MYO5B: variants seen among roughly 807,000 people sequenced by gnomAD.
MYO5B encodes the protein myosin VB, also known as unconventional myosin-Vb.
In MYO5B, 143 loss-of-function variants were observed where a neutral mutation model predicts 229.3. That is an observed-to-expected ratio of 0.62 (90% CI 0.54 to 0.72). The LOEUF (loss-of-function observed/expected upper bound fraction) is 0.72, where lower values mean the gene tolerates loss of function less well. Among genes scored for constraint, MYO5B ranks in the 30% least tolerant of loss-of-function variants. The pLI, the probability that MYO5B is intolerant of heterozygous loss-of-function variation, is 0.00. For missense variants in MYO5B, 2,321 were observed against 2,331.0 expected, an observed-to-expected ratio of 1.00 and a Z score of 0.09; for synonymous variants, 918 against 885.2, an observed-to-expected ratio of 1.04 and a Z score of -0.66.
At chr18:49,889,403 G>A (rs1345095860) in intron 22 of MYO5B, among the ~76,000 whole-genome samples, 1 of 152,176 alleles carries the variant, frequency 6.6e-6, no homozygotes, top group Non-Finnish European at 1.5e-5. Context: ...AAACCACATG[G>A]TATGTACTTC....
In MYO5B at chr18:49,977,236, AT is replaced by A. The variant is rs1285809111; in HGVS notation, c.1057-2622del. ...TACAATTACATTTAGGCAAAATTAA[AT>A]GATGCTAAATCCATTAAAAATAGCC... On this transcript the variant is annotated intron_variant, in intron 9 of 39. Coordinates refer to ENST00000285039, the MANE Select transcript of MYO5B (RefSeq NM_001080467.3). 3.3e-5 allele frequency among the ~76,000 whole-genome samples: 5 copies of A among 152,336 alleles called. No homozygotes were observed. The East Asian group carries it at 9.6e-4, about 29-fold the overall frequency.
chr18:49,997,643 G>A (rs974196556), intron 5 of MYO5B, among the ~76,000 whole-genome samples: 5 of 152,064 alleles, frequency 3.3e-5, no homozygotes, highest in Non-Finnish European at 5.9e-5. Flanking sequence ...CTGGGATGCT[G>A]ACAAGCTCTT....
chr18:49,881,677 C>T (rs1276272980), intron 22 of MYO5B, among the ~76,000 whole-genome samples: 1 of 148,394 alleles, frequency 6.7e-6, no homozygotes, highest in Non-Finnish European at 1.5e-5. Context: ...TGTTGGGTGC[C>T]TGTAGTCCCA....
chr18:50,118,471 AG>A (rs755749405), intron 1 of MYO5B, among the ~76,000 whole-genome samples: 45 of 152,218 alleles, frequency 3.0e-4, no homozygotes, highest in Non-Finnish European at 5.6e-4. Flanking sequence ...AGTCTCCTGA[AG>A]GGCTTAACTA....
At chr18:49,903,215 T>A (rs186977877) in intron 20 of MYO5B, among the ~76,000 whole-genome samples, 70 of 152,190 alleles carry the variant, frequency 4.6e-4, no homozygotes, top group African/African-American at 1.6e-3. Context: ...GATACTTCAG[T>A]GAGTGTCCAC....
At chr18:49,942,380 CAAA>C (rs753691754) in intron 14 of MYO5B, among the ~76,000 whole-genome samples, 1 of 32,744 alleles carries the variant, frequency 3.1e-5, no homozygotes. Context: ...TTCTGCACAG[CAAA>C]AAAAAAAAAA....
intron 21 of MYO5B, among the ~76,000 whole-genome samples, chr18:49,899,618 T>C (rs968534712): frequency 6.6e-6 from 1 of 152,246 alleles, no homozygotes; most frequent in Non-Finnish European, 1.5e-5. Context: ...TGCTACTTAC[T>C]AGCTGTGTGA....
intron 1 of MYO5B, among the ~76,000 whole-genome samples, chr18:50,125,709 A>ATACCAAGTCCAC (rs1203096475): frequency 1.3e-5 from 2 of 152,222 alleles, no homozygotes; most frequent in Non-Finnish European, 2.9e-5. Context: ...AGATAGCTGT[A>ATACCAAGTCCAC]TACCAAGTTC....
intron 39 of MYO5B, among the ~76,000 whole-genome samples, chr18:49,827,908 G>T (rs1346760135): frequency 1.3e-5 from 2 of 152,014 alleles, no homozygotes; most frequent in African/African-American, 4.8e-5. Context: ...AGACAAAGAG[G>T]GAGTCTTGAA....
chr18:50,166,981 T>C (rs1462416159), intron 1 of MYO5B, among the ~76,000 whole-genome samples: 2 of 152,214 alleles, frequency 1.3e-5, no homozygotes, highest in Non-Finnish European at 2.9e-5. Context: ...TTCAATCTTT[T>C]AGGTGAATAT....
chr18:49,950,303 T>C (rs552921521), intron 14 of MYO5B, among the ~76,000 whole-genome samples: 2 of 152,286 alleles, frequency 1.3e-5, no homozygotes, highest in African/African-American at 4.8e-5. Context: ...GCATTGTGGT[T>C]AGTGGGCAGG....
chr18:49,911,997 C>T (rs530591772), intron 18 of MYO5B, 65 bp downstream of exon 18: 115 of 1,223,036 alleles, frequency 9.4e-5, no homozygotes, highest in East Asian at 7.0e-4. Flanking sequence ...TAGATAACGA[C>T]GCCACCCCCT....
intron 1 of MYO5B, among the ~76,000 whole-genome samples, chr18:50,071,437 G>A (rs1426756205): frequency 3.3e-5 from 5 of 152,214 alleles, no homozygotes. Context: ...TGAAGCAGAT[G>A]CTGAATGGAC....
intron 12 of MYO5B, among the ~76,000 whole-genome samples, chr18:49,958,254 C>G (rs986531013): frequency 6.6e-6 from 1 of 152,200 alleles, no homozygotes; most frequent in Admixed American, 6.5e-5. Context: ...GATTAAGACA[C>G]TGTTCCTAGA....
At chr18:50,031,096 T>A (rs898490728) in intron 4 of MYO5B, among the ~76,000 whole-genome samples, 2 of 152,066 alleles carry the variant, frequency 1.3e-5, no homozygotes, top group African/African-American at 4.8e-5. Context: ...AGACTGGGGC[T>A]GAGCAGACAA....
At chr18:49,950,177 A>G (rs1297444774) in intron 14 of MYO5B, among the ~76,000 whole-genome samples, 1 of 152,168 alleles carries the variant, frequency 6.6e-6, no homozygotes. Flanking sequence ...TTCTTGGTTA[A>G]TCTCAGTGCT....
chr18:49,992,337 C>A lies in MYO5B; in HGVS notation c.707G>T (p.Gly236Val). 1 of 1,614,110 alleles carries A rather than the reference C, an allele frequency of 6.2e-7. No homozygotes were observed. The highest frequency in any genetic ancestry group is 8.5e-7 in the Non-Finnish European group (1 of 1,180,010). Residue 236 changes from glycine to valine, a missense_variant, in exon 6 of 40, where the codon GGG (glycine) becomes GTG (valine). By Grantham distance (109) the Gly-to-Val change is moderately radical. Around this residue, in one of 2 missense-constraint regions of MYO5B, gnomAD observed 2,113 missense variants for 2,044.7 expected, o/e 1.03. Coordinates refer to ENST00000285039, the MANE Select transcript of MYO5B (RefSeq NM_001080467.3). ...CAAGAGGTAAGTCCTCATGTTGGCC[C>A]CGATGATGTGGTACCTTTTGTCAAA... ...IGFDKRYHIIGANMRTYLLEK... is the reference protein window; with the variant it reads ...IGFDKRYHIIVANMRTYLLEK...
chr18:49,948,840 T>C (rs1047968836), intron 14 of MYO5B, among the ~76,000 whole-genome samples: 3 of 152,106 alleles, frequency 2.0e-5, no homozygotes, highest in African/African-American at 7.2e-5. Context: ...GTGCTGTAAT[T>C]TGGGTACCAA....
intron 21 of MYO5B, among the ~76,000 whole-genome samples, chr18:49,898,374 A>G (rs1350554897): frequency 1.3e-5 from 2 of 152,388 alleles, no homozygotes; most frequent in Non-Finnish European, 2.9e-5. Flanking sequence ...ATTTAAGGAT[A>G]ACCTTATATT....
Sources: allele counts gnomAD v4.1 joint callset (sites outside exome capture counted in the v4.1 genomes callset), GRCh38; gene constraint gnomAD v4.1.1; regional missense constraint gnomAD v4.1.1; transcripts MANE v1.5; gene names NCBI Gene and HGNC (gene_info 2026-07-23, HGNC 2026-07-21).